The following GUF1 variants were observed in gnomAD, a reference collection of about 807,000 sequenced individuals.
The protein encoded by GUF1 is translation factor GUF1, mitochondrial.
A neutral mutation model predicts 82.4 loss-of-function variants in GUF1; 78 were observed. The ratio of observed to expected loss-of-function variants is 0.95; its 90% CI spans 0.79 to 1.14. GUF1 has a LOEUF of 1.14. GUF1 is among the 50% of genes most tolerant of loss of function. GUF1 has a pLI of 0.00. For missense variants in GUF1, 814 were observed against 798.2 expected (o/e 1.02, Z -0.24); for synonymous variants, 279 against 282.3 (o/e 0.99, Z 0.12).
At chr4:44,695,927 T>C (rs1038600424) in intron 15 of GUF1, among the ~76,000 whole-genome samples, 193 bp downstream of exon 15, 1 of 152,188 alleles carries the variant, frequency 6.6e-6, no homozygotes, top group Non-Finnish European at 1.5e-5. Context: ...CAGCACTGGG[T>C]GATGTGATCT....
Position 44,683,290 on chromosome 4 carries a change from T to G in GUF1, c.641T>G (p.Phe214Cys), listed in dbSNP as rs1363527178. 2 of 1,585,446 alleles carry G rather than the reference T, an allele frequency of 1.3e-6. No homozygotes were observed. The highest frequency in any genetic ancestry group is 2.3e-5 in the South Asian group (2 of 86,264). Residue 214 changes from phenylalanine (F) to cysteine (C), a missense_variant, in exon 6 of 17, where the codon TTT becomes TGT. Physicochemically the swap from Phe to Cys is radical, Grantham distance 205. Coordinates refer to ENST00000281543, the MANE Select transcript of GUF1 (RefSeq NM_021927.3). Reference sequence around the variant, plus strand: ...GTTGAAAACCAAATTGAGAAAGTGTTTGATATTCCAAGTGATGAATGTATT... The same window carrying G: ...GTTGAAAACCAAATTGAGAAAGTGTGTGATATTCCAAGTGATGAATGTATT... ...ERVENQIEKV[F>C]DIPSDECIKI...
At chr4:44,684,392 A>G (rs1256071167) in intron 6 of GUF1, among the ~76,000 whole-genome samples, 2 of 152,090 alleles carry the variant, frequency 1.3e-5, no homozygotes, top group African/African-American at 4.8e-5. Flanking sequence ...TGGCATGTTT[A>G]CTGATCAGAA....
At position 44,678,557 on chromosome 4, in the gene GUF1, A is replaced by C. The variant is rs534335945; in HGVS notation, c.-66A>C. The C allele has an allele frequency of 7.6e-7, 1 of 1,314,242 alleles. No individual in the cohort carries two copies. The highest frequency in any genetic ancestry group is 3.6e-5 in the Admixed American group (1 of 27,458). The allele number at this position is 1,314,242 out of a possible 1,614,324, so 81.4% of individuals were successfully genotyped here. A position where few individuals can be genotyped will look rare whatever the true frequency, so the allele number is the denominator to read the frequency against. The stretch of plus-strand genomic sequence containing the variant: ...CCGGATCCTACGGGGGGTACCTTCG[A>C]AAAAAAACGGGCTATGCTGCTGTTG... On this transcript the variant is annotated 5_prime_UTR_variant, in exon 1 of 17. Transcript: ENST00000281543.
intron 1 of GUF1, among the ~76,000 whole-genome samples, chr4:44,679,843 T>C (rs914908580): frequency 6.6e-6 from 1 of 152,206 alleles, no homozygotes; most frequent in Non-Finnish European, 1.5e-5. Flanking sequence ...CAGTAAAACG[T>C]TAAAGAAGAT....
At chr4:44,692,577 A>G (rs1715518899) in intron 13 of GUF1, among the ~76,000 whole-genome samples, 1 of 151,998 alleles carries the variant, frequency 6.6e-6, no homozygotes, top group African/African-American at 2.4e-5. Flanking sequence ...CATGAATGTT[A>G]ATGTTAACAT....
Position 44,698,543 on chromosome 4 carries a change from G to GT in GUF1, c.1873dup (p.Tyr625LeufsTer4). 1 of 1,585,194 alleles carries GT rather than the reference G, an allele frequency of 6.3e-7. No individual in the cohort carries two copies. The highest frequency in any genetic ancestry group is 8.5e-7 in the Non-Finnish European group (1 of 1,170,714). On this transcript the variant is annotated frameshift_variant and splice_region_variant. Coordinates refer to ENST00000281543, the MANE Select transcript of GUF1 (RefSeq NM_021927.3). LOFTEE classifies it high-confidence loss of function. Reference sequence around the variant, plus strand: ...TTCCAATGTTTTAAAATATTTTTCAGTATGGTGGTGATATTACCCGAAAAA... The same window carrying GT: ...TTCCAATGTTTTAAAATATTTTTCAGTTATGGTGGTGATATTACCCGAAAAA...
intron 8 of GUF1, among the ~76,000 whole-genome samples, chr4:44,687,290 G>A (rs566959668): frequency 6.6e-5 from 10 of 152,086 alleles, no homozygotes; most frequent in African/African-American, 1.2e-4. Flanking sequence ...TTCCTTGTCT[G>A]TAGAAATTAT....
chr4:44,697,437 CA>C lies in GUF1; in HGVS notation c.1869del (p.Lys623AsnfsTer11). 6.4e-7 allele frequency: 1 copy of C among 1,553,952 alleles called. No individual in the cohort carries two copies. The highest frequency in any genetic ancestry group is 8.8e-7 in the Non-Finnish European group (1 of 1,136,018). On this transcript the variant is annotated frameshift_variant, in exon 16 of 17. Coordinates refer to ENST00000281543, the MANE Select transcript of GUF1 (RefSeq NM_021927.3). LOFTEE classifies it high-confidence loss of function. ...AAAGCCTATAGGAAAAACGTTTTGG[CA>C]AAATGTGTATGTATCTAGTTGTATT... ...TVKAYRKNVL[A>X]KCYGGDITRK...
chr4:44,689,368 C>G lies in GUF1; in HGVS notation c.1161C>G (p.Thr387=). The change falls in exon 10 of 17, where the codon ACC becomes ACG. Residue 387 remains threonine (T), a synonymous_variant. Coordinates refer to ENST00000281543, the MANE Select transcript of GUF1 (RefSeq NM_021927.3). ...EKLTLNDSSV[T]VHRDSSLALG... is the part of the protein sequence containing the mutation. ...TGACTTTAAATGATTCCAGTGTGAC[C>G]GTTCATCGGGATAGTAGCCTTGCTC... The G allele has an allele frequency of 1.2e-6, 2 of 1,608,822 alleles. No homozygotes were observed. The highest frequency in any genetic ancestry group is 8.5e-7 in the Non-Finnish European group (1 of 1,176,838).
In GUF1 at chr4:44,680,461, G is replaced by C. The variant is rs1714698672; in HGVS notation, c.186G>C (p.Arg62Ser). 6.3e-7 allele frequency: 1 copy of C among 1,599,456 alleles called. No homozygotes were observed. The highest frequency in any genetic ancestry group is 8.5e-7 in the Non-Finnish European group (1 of 1,170,586). The change falls in exon 2 of 17, where the codon AGG becomes AGC. Residue 62 changes from arginine (R) to serine (S), a missense_variant. Physicochemically the swap from Arg to Ser is moderately radical, Grantham distance 110. Transcript: ENST00000281543. ...AEFKEKLDMS[R>S]FPVENIRNFS... ...TCTAGGAAAAACTTGACATGTCTAG[G>C]TTTCCTGTTGAAAATATTAGAAATT...
At chr4:44,679,501 C>G (rs985430470) in intron 1 of GUF1, among the ~76,000 whole-genome samples, 2 of 152,120 alleles carry the variant, frequency 1.3e-5, no homozygotes, top group Non-Finnish European at 1.5e-5. Context: ...AACTTTGGCC[C>G]TAATATGCCT....
chr4:44,680,523 CT>C lies in GUF1; in HGVS notation c.251del (p.Leu84Ter). ...IVAHVDHGKSTLADRLLELTG... is the reference protein window; with the variant it reads ...IVAHVDHGKSXLADRLLELTG... ...GCACACGTGGATCATGGCAAAAGTA[CT>C]TTAGCTGACAGGCTCCTAGAACTTA... On this transcript the variant is annotated frameshift_variant, in exon 2 of 17. Transcript: ENST00000281543. LOFTEE classifies it high-confidence loss of function. 1 of 1,608,096 alleles carries C rather than the reference CT, an allele frequency of 6.2e-7. No homozygotes were observed. Among genetic ancestry groups the C allele is most frequent in the Non-Finnish European group, 8.5e-7 (1 of 1,176,318 alleles).
intron 8 of GUF1, among the ~76,000 whole-genome samples, chr4:44,687,577 T>C (rs1183799502): frequency 6.6e-6 from 1 of 151,796 alleles, no homozygotes; most frequent in Non-Finnish European, 1.5e-5. Context: ...GAATATCAAG[T>C]GTCCAGTTTG....
chr4:44,693,085 T>C (rs1464042448), intron 13 of GUF1, among the ~76,000 whole-genome samples: 1 of 152,022 alleles, frequency 6.6e-6, no homozygotes, highest in Non-Finnish European at 1.5e-5. Context: ...TCAAGATGGA[T>C]GTTTTACATA....
rs1716099493 is a variant in GUF1, at chr4:44,699,722, C to A, written c.*1041C>A. ...AACATAGACATCAAATAACAGACATCTGCTCTAGTTAATGATAAAATGTTT... is the reference window on the plus strand; with the variant it reads ...AACATAGACATCAAATAACAGACATATGCTCTAGTTAATGATAAAATGTTT... On this transcript the variant is annotated 3_prime_UTR_variant, in exon 17 of 17. Transcript: ENST00000281543. 1 of 152,192 alleles carries A rather than the reference C, an allele frequency of 6.6e-6. No homozygotes were observed. The highest frequency in any genetic ancestry group is 1.5e-5 in the Non-Finnish European group (1 of 68,026). 9.4% of individuals were successfully genotyped at this position (152,192 alleles called of 1,614,324 possible).
intron 6 of GUF1, among the ~76,000 whole-genome samples, chr4:44,684,328 AC>A (rs1237154897): frequency 1.3e-5 from 2 of 152,110 alleles, no homozygotes; most frequent in Admixed American, 1.3e-4. Context: ...TTTCAGAAAA[AC>A]ATTCCAGGAA....
chr4:44,698,354 A>C (rs1298687272), intron 16 of GUF1, among the ~76,000 whole-genome samples, 190 bp from the exon 17 acceptor site: 1 of 152,054 alleles, frequency 6.6e-6, no homozygotes, highest in African/African-American at 2.4e-5. Context: ...CTTCACCTCC[A>C]TCCAGATTAA....
rs1716099875 is a variant in GUF1 at position 44,699,727 on chromosome 4, C to T, written c.*1046C>T. The T allele has an allele frequency of 6.6e-6, 1 of 152,128 alleles. No individual in the cohort carries two copies. Among genetic ancestry groups the T allele is most frequent in the South Asian group, 2.1e-4 (1 of 4,820 alleles). The allele number at this position is 152,128 out of a possible 1,614,324, so 9.4% of individuals were successfully genotyped here. A position where few individuals can be genotyped will look rare whatever the true frequency, so the allele number is the denominator to read the frequency against. On this transcript the variant is annotated 3_prime_UTR_variant, in exon 17 of 17. Coordinates refer to ENST00000281543, the MANE Select transcript of GUF1 (RefSeq NM_021927.3). ...AGACATCAAATAACAGACATCTGCT[C>T]TAGTTAATGATAAAATGTTTATAGA...
chr4:44,689,333 A>G lies in GUF1; in HGVS notation c.1126A>G (p.Ile376Val), dbSNP rs1279712876. Residue 376 changes from isoleucine (I) to valine (V), a missense_variant, in exon 10 of 17, where the codon ATA becomes GTA. Ile to Val is a conservative substitution (Grantham distance 29). Coordinates refer to ENST00000281543, the MANE Select transcript of GUF1 (RefSeq NM_021927.3). ...TGAATATAACAATCTGAAGAGTGCTATAGAAAAACTGACTTTAAATGATTC... is the reference window on the plus strand; with the variant it reads ...TGAATATAACAATCTGAAGAGTGCTGTAGAAAAACTGACTTTAAATGATTC... ...QSEYNNLKSA[I>V]EKLTLNDSSV... 3 of 1,610,608 alleles carry G rather than the reference A, an allele frequency of 1.9e-6. No individual in the cohort carries two copies. Among genetic ancestry groups the G allele is most frequent in the Non-Finnish European group, 1.7e-6 (2 of 1,177,726 alleles).
Sources: gnomAD v4.1 joint callset for allele counts (sites outside exome capture counted in the v4.1 genomes callset) on GRCh38, gnomAD v4.1.1 for gene constraint, MANE v1.5 for transcripts, NCBI Gene and HGNC (gene_info 2026-07-23, HGNC 2026-07-21) for gene names.